The following SLC24A3 variants were observed in gnomAD, a reference collection of about 807,000 sequenced individuals.
SLC24A3 encodes solute carrier family 24 member 3, also known as sodium/potassium/calcium exchanger 3.
In SLC24A3, 28 loss-of-function variants were observed where a neutral mutation model predicts 75.8. The ratio of observed to expected loss-of-function variants is 0.37; its 90% CI spans 0.27 to 0.51. The LOEUF (loss-of-function observed/expected upper bound fraction) is 0.51. Among genes scored for constraint, SLC24A3 ranks in the 20% least tolerant of loss-of-function variants. The pLI, the probability that SLC24A3 is intolerant of heterozygous loss-of-function variation, is 0.94. For synonymous variants in SLC24A3, 372 were observed against 334.1 expected (o/e 1.11, Z -1.24); for missense variants, 663 against 847.8 (o/e 0.78, Z 2.71).
chr20:19,525,644 C>A (rs924491621), intron 3 of SLC24A3, among the ~76,000 whole-genome samples: 1 of 152,144 alleles, frequency 6.6e-6, no homozygotes, highest in African/African-American at 2.4e-5. Context: ...GTCGGCCCCA[C>A]CAAAGCCCTC....
At position 19,457,523 on chromosome 20, in the gene SLC24A3, A is replaced by G. The variant is rs372960477; in HGVS notation, c.272-57965A>G. On this transcript the variant is annotated intron_variant, in intron 2 of 16. Coordinates refer to ENST00000328041, the MANE Select transcript of SLC24A3 (RefSeq NM_020689.4). ...TATTCTACTGAATAGAAAAATGCCA[A>G]TGACAAAGTCAACACTGCTTTTTAG... Among the ~76,000 whole-genome samples the G allele has an allele frequency of 3.4e-4, 51 of 152,124 alleles. 1 individual carries two copies. Among genetic ancestry groups the G allele is most frequent in the African/African-American group, 9.7e-4 (40 of 41,354 alleles).
chr20:19,696,810 G>T lies in SLC24A3; in HGVS notation c.1505G>T (p.Gly502Val). ...TGCTCCTTCTAGGTCACAATCATTG[G>T]TTACACCCTGGGGATTCCTGACGTC... ...YMMVWMVTII[G>V]YTLGIPDVIM... The change falls in exon 14 of 17, where the codon GGT becomes GTT. Residue 502 changes from glycine to valine, a missense_variant. By Grantham distance (109) the Gly-to-Val change is moderately radical. This residue lies in a region of SLC24A3 where 510 missense variants were observed against 703.6 expected (regional missense o/e 0.72). Transcript: ENST00000328041. The T allele has an allele frequency of 6.2e-7, 1 of 1,613,934 alleles. No individual in the cohort carries two copies.
chr20:19,433,664 A>C (rs1249915449), intron 2 of SLC24A3, among the ~76,000 whole-genome samples: 1 of 152,230 alleles, frequency 6.6e-6, no homozygotes, highest in Non-Finnish European at 1.5e-5. Context: ...GAAAATGTAA[A>C]GTATGGTAAG....
At chr20:19,431,692 A>T (rs1987106154) in intron 2 of SLC24A3, among the ~76,000 whole-genome samples, 1 of 151,472 alleles carries the variant, frequency 6.6e-6, no homozygotes, top group Non-Finnish European at 1.5e-5. Context: ...ACAGAAAATC[A>T]ACAATTCACT....
chr20:19,341,132 G>C (rs561718298), intron 2 of SLC24A3, among the ~76,000 whole-genome samples: 7 of 152,340 alleles, frequency 4.6e-5, no homozygotes, highest in Admixed American at 3.9e-4. Flanking sequence ...TGAACTAATT[G>C]GTCTGGGATG....
intron 2 of SLC24A3, among the ~76,000 whole-genome samples, chr20:19,407,238 G>A (rs1236878946): frequency 1.3e-5 from 2 of 152,216 alleles, no homozygotes; most frequent in African/African-American, 2.4e-5. Context: ...CATTCTGGGA[G>A]TGTATTTGGC....
intron 10 of SLC24A3, among the ~76,000 whole-genome samples, chr20:19,682,245 A>T (rs1414755410): frequency 6.6e-6 from 1 of 151,990 alleles, no homozygotes; most frequent in Non-Finnish European, 1.5e-5. Context: ...ACAGAGCCAG[A>T]CCCTATTTCA....
At chr20:19,307,468 A>C (rs1984359861) in intron 2 of SLC24A3, among the ~76,000 whole-genome samples, 1 of 152,210 alleles carries the variant, frequency 6.6e-6, no homozygotes, top group Non-Finnish European at 1.5e-5. Context: ...CGTTTTTAAA[A>C]AGTGTCTTTC....
At chr20:19,592,909 C>G (rs909859149) in intron 6 of SLC24A3, among the ~76,000 whole-genome samples, 1 of 150,722 alleles carries the variant, frequency 6.6e-6, no homozygotes, top group Admixed American at 6.7e-5. Context: ...GATTCTCCTG[C>G]CTCAGCCTCC....
intron 2 of SLC24A3, among the ~76,000 whole-genome samples, chr20:19,340,579 A>T (rs1164116664): frequency 6.6e-6 from 1 of 152,166 alleles, no homozygotes; most frequent in Non-Finnish European, 1.5e-5. Context: ...TCCTGTTTCC[A>T]CCATCCCCAC....
chr20:19,464,661 C>CA (rs1242973684), intron 2 of SLC24A3, among the ~76,000 whole-genome samples: 1 of 152,240 alleles, frequency 6.6e-6, no homozygotes, highest in Non-Finnish European at 1.5e-5. Context: ...ACAATCATAG[C>CA]ACAGTCTACA....
At chr20:19,321,041 C>T (rs1198947988) in intron 2 of SLC24A3, among the ~76,000 whole-genome samples, 1 of 151,942 alleles carries the variant, frequency 6.6e-6, no homozygotes, top group Non-Finnish European at 1.5e-5. Context: ...TCCTCTGTAT[C>T]CACGGTGAAT....
intron 4 of SLC24A3, among the ~76,000 whole-genome samples, 175 bp downstream of exon 4, chr20:19,580,249 T>C (rs1397545181): frequency 6.6e-6 from 1 of 152,130 alleles, no homozygotes; most frequent in African/African-American, 2.4e-5. Context: ...AAAAGTGTCA[T>C]CGGTCTACTG....
chr20:19,664,540 C>T (rs889533895), intron 7 of SLC24A3, among the ~76,000 whole-genome samples: 3 of 152,210 alleles, frequency 2.0e-5, no homozygotes, highest in South Asian at 2.1e-4. Context: ...TTGCTTTATG[C>T]GCTTTGTGAC....
At chr20:19,550,141 C>G (rs1230720738) in intron 3 of SLC24A3, among the ~76,000 whole-genome samples, 1 of 152,168 alleles carries the variant, frequency 6.6e-6, no homozygotes, top group Non-Finnish European at 1.5e-5. Flanking sequence ...ATAGCATTTA[C>G]TAAATTTGGT....
intron 3 of SLC24A3, among the ~76,000 whole-genome samples, chr20:19,522,661 A>G (rs2030121360): frequency 6.6e-6 from 1 of 152,248 alleles, no homozygotes; most frequent in African/African-American, 2.4e-5. Flanking sequence ...TCACAGGGCC[A>G]GAGCCCAATC....
At chr20:19,238,741 G>GT (rs1982241108) in intron 1 of SLC24A3, among the ~76,000 whole-genome samples, 1 of 152,118 alleles carries the variant, frequency 6.6e-6, no homozygotes, top group Admixed American at 6.5e-5. Flanking sequence ...CCCTGGTCTG[G>GT]TGTTGGGTCT....
At chr20:19,709,829 T>A (rs1407024783) in intron 15 of SLC24A3, among the ~76,000 whole-genome samples, 1 of 152,178 alleles carries the variant, frequency 6.6e-6, no homozygotes, top group Non-Finnish European at 1.5e-5. Context: ...TCTCTGAGCC[T>A]CAGTTGTCTC....
chr20:19,509,516 CTT>C (rs1017628593), intron 2 of SLC24A3, among the ~76,000 whole-genome samples: 1 of 152,182 alleles, frequency 6.6e-6, no homozygotes, highest in African/African-American at 2.4e-5. Flanking sequence ...CGCATACACT[CTT>C]TTCTTGGACA....
Sources: allele counts gnomAD v4.1 joint callset (sites outside exome capture counted in the v4.1 genomes callset), GRCh38; gene constraint gnomAD v4.1.1; regional missense constraint gnomAD v4.1.1; transcripts MANE v1.5; gene names NCBI Gene and HGNC (gene_info 2026-07-23, HGNC 2026-07-21).